Variants in FSTL1 observed in about 807,000 individuals in gnomAD.
FSTL1 encodes the protein follistatin-related protein 1.
FSTL1 carries 24 observed loss-of-function variants against 45.9 expected under a neutral mutation model. The observed-to-expected ratio is 0.52, with a 90% CI of 0.38 to 0.74. The LOEUF is 0.74. Among genes scored for constraint, FSTL1 ranks in the 30% least tolerant of loss-of-function variants. The probability of loss-of-function intolerance (pLI) is 0.00; values close to 1 mark genes in which losing one functional copy is unlikely to be tolerated. For synonymous variants in FSTL1, 120 were observed against 137.6 expected (o/e 0.87, Z 0.89); for missense variants, 340 against 381.8 (o/e 0.89, Z 0.91).
chr3:120,406,276 T>C (rs1024830172), intron 6 of FSTL1, among the ~76,000 whole-genome samples: 3 of 152,114 alleles, frequency 2.0e-5, no homozygotes, highest in Non-Finnish European at 2.9e-5. Flanking sequence ...TAATGGAAAA[T>C]AATTAAATAA....
chr3:120,403,008 C>T lies in FSTL1; in HGVS notation c.695-90G>A. 4 of 865,032 alleles carry T rather than the reference C, an allele frequency of 4.6e-6. No individual in the cohort carries two copies. The South Asian group carries it at 5.4e-5, about 12-fold the overall frequency. The allele number at this position is 865,032 out of a possible 1,614,324, so 53.6% of individuals were successfully genotyped here. A position where few individuals can be genotyped will look rare whatever the true frequency, so the allele number is the denominator to read the frequency against. ...AGTCTGTGCACCTTACCCTTTTTTC[C>T]CAGACAAGACCTGCCTGTCCCTCAG... On this transcript the variant is annotated intron_variant, in intron 8 of 10. Coordinates refer to ENST00000295633, the MANE Select transcript of FSTL1 (RefSeq NM_007085.5).
At chr3:120,420,128 C>T (rs1038996119) in intron 2 of FSTL1, among the ~76,000 whole-genome samples, 1 of 152,190 alleles carries the variant, frequency 6.6e-6, no homozygotes, top group African/African-American at 2.4e-5. Context: ...CAAGGGCTGG[C>T]ACAGGGTGAG....
intron 6 of FSTL1, among the ~76,000 whole-genome samples, chr3:120,409,131 T>G (rs1259566380): frequency 6.6e-6 from 1 of 152,170 alleles, no homozygotes; most frequent in African/African-American, 2.4e-5. Flanking sequence ...GTTAATGACT[T>G]AGAGAAATGT....
intron 2 of FSTL1, among the ~76,000 whole-genome samples, chr3:120,427,729 A>T (rs1392368682): frequency 6.6e-6 from 1 of 152,228 alleles, no homozygotes; most frequent in Non-Finnish European, 1.5e-5. Flanking sequence ...GCAACGGAGG[A>T]CGAAAATGGC....
chr3:120,418,655 G>C (rs756440413), intron 2 of FSTL1, among the ~76,000 whole-genome samples: 1 of 152,206 alleles, frequency 6.6e-6, no homozygotes, highest in Non-Finnish European at 1.5e-5. Context: ...CGTTAAGAGT[G>C]CGTCAGAGAT....
At chr3:120,408,827 T>C in intron 6 of FSTL1, among the ~76,000 whole-genome samples, 1 of 152,042 alleles carries the variant, frequency 6.6e-6, no homozygotes, top group African/African-American at 2.4e-5. Context: ...TGTGTGTGTG[T>C]CTGTTCTTGT....
chr3:120,412,838 G>GCGCGCGCGCGCACACA (rs1429168694), intron 3 of FSTL1, among the ~76,000 whole-genome samples: 1 of 106,132 alleles, frequency 9.4e-6, no homozygotes, highest in South Asian at 3.0e-4. Context: ...GCGCGCGCGC[G>GCGCGCGCGCGCACACA]CACACACACA....
At chr3:120,442,972 T>C (rs1379518927) in intron 2 of FSTL1, among the ~76,000 whole-genome samples, 6 of 136,722 alleles carry the variant, frequency 4.4e-5, no homozygotes, top group East Asian at 2.2e-4. Flanking sequence ...AGGGATAGCA[T>C]TGGGAGATAC....
intron 2 of FSTL1, among the ~76,000 whole-genome samples, chr3:120,434,279 A>T (rs1328319517): frequency 6.6e-6 from 1 of 152,198 alleles, no homozygotes; most frequent in East Asian, 1.9e-4. Context: ...ATTCCTGGGT[A>T]CATAAGTTGA....
intron 2 of FSTL1, among the ~76,000 whole-genome samples, chr3:120,450,304 A>C (rs532599884): frequency 6.6e-6 from 1 of 152,240 alleles, no homozygotes; most frequent in African/African-American, 2.4e-5. Flanking sequence ...CAGGAGACAG[A>C]CTTGGGAGGG....
At chr3:120,447,026 C>A (rs1937762798) in intron 2 of FSTL1, among the ~76,000 whole-genome samples, 1 of 152,134 alleles carries the variant, frequency 6.6e-6, no homozygotes, top group Non-Finnish European at 1.5e-5. Context: ...GCAGAGACAT[C>A]CACCAAGGGA....
chr3:120,419,450 G>A (rs1037151395), intron 2 of FSTL1: 1 of 152,264 alleles, frequency 6.6e-6, no homozygotes, highest in Admixed American at 6.5e-5. Flanking sequence ...GTTGCTTAGG[G>A]TGGTGGGTAG....
chr3:120,411,886 T>G lies in FSTL1; in HGVS notation c.266A>C (p.Lys89Thr). The G allele has an allele frequency of 1.2e-6, 2 of 1,613,886 alleles. No individual in the cohort carries two copies. Among genetic ancestry groups the G allele is most frequent in the Non-Finnish European group, 1.7e-6 (2 of 1,179,722 alleles). The change falls in exon 4 of 11, where the codon AAA (lysine) becomes ACA (threonine). Residue 89 changes from lysine (K) to threonine (T), a missense_variant. Transcript: ENST00000295633. ...LHRDACLTGS[K>T]IQVDYDGHCK... ...GTGTCCATCGTAATCAACCTGGATTTTGGATCCAGTGAGGCAGGCATCTCG... is the reference window on the plus strand; with the variant it reads ...GTGTCCATCGTAATCAACCTGGATTGTGGATCCAGTGAGGCAGGCATCTCG...
chr3:120,441,553 AAAG>A (rs920273796), intron 2 of FSTL1: 2 of 152,268 alleles, frequency 1.3e-5, no homozygotes, highest in Non-Finnish European at 2.9e-5. Flanking sequence ...TCTCTTTAAA[AAAG>A]AAGGTGATAA....
chr3:120,420,343 G>A (rs908810757), intron 2 of FSTL1, among the ~76,000 whole-genome samples: 5 of 152,190 alleles, frequency 3.3e-5, no homozygotes, highest in African/African-American at 1.2e-4. Context: ...ATGTACCTGT[G>A]AGAATGTAAT....
intron 2 of FSTL1, among the ~76,000 whole-genome samples, chr3:120,447,790 A>C (rs1937789447): frequency 6.6e-6 from 1 of 152,148 alleles, no homozygotes; most frequent in South Asian, 2.1e-4. Flanking sequence ...CTGGGACCAG[A>C]GGCGTGTGTG....
At position 120,393,684 on chromosome 3, in the gene FSTL1, T is replaced by C. The variant is rs981331020; in HGVS notation, c.*3268A>G. On this transcript the variant is annotated 3_prime_UTR_variant, in exon 11 of 11. Coordinates refer to ENST00000295633, the MANE Select transcript of FSTL1 (RefSeq NM_007085.5). ...TCCCAATACAGGAATGCACCTGCTA[T>C]GGTTTGAATGTTTATGTCCCCCAAA... The C allele has an allele frequency of 3.9e-5, 6 of 152,188 alleles. No individual in the cohort carries two copies. The highest frequency in any genetic ancestry group is 8.8e-5 in the Non-Finnish European group (6 of 68,034). The allele number at this position is 152,188 out of a possible 1,614,324, so 9.4% of individuals were successfully genotyped here. A position where few individuals can be genotyped will look rare whatever the true frequency, so the allele number is the denominator to read the frequency against.
rs938181899 is a variant in FSTL1, at chr3:120,394,982, G to C, written c.*1970C>G. On this transcript the variant is annotated 3_prime_UTR_variant, in exon 11 of 11. Coordinates refer to ENST00000295633, the MANE Select transcript of FSTL1 (RefSeq NM_007085.5). ...TTGCCCTCCTCCCATAGTGTCCAAG[G>C]GCTGGTAAAACCTTTGATTAAGGCG... 5 of 152,412 alleles carry C rather than the reference G, an allele frequency of 3.3e-5. No individual in the cohort carries two copies. Among genetic ancestry groups the C allele is most frequent in the Non-Finnish European group, 7.3e-5 (5 of 68,248 alleles). The allele number at this position is 152,412 out of a possible 1,614,324, so 9.4% of individuals were successfully genotyped here.
chr3:120,410,319 T>C (rs1170286559), intron 5 of FSTL1: 1 of 173,110 alleles, frequency 5.8e-6, no homozygotes, highest in Non-Finnish European at 1.2e-5. Context: ...CAACACATGC[T>C]GTGGGTGAAA....
Sources: gnomAD v4.1 joint callset for allele counts (sites outside exome capture counted in the v4.1 genomes callset) on GRCh38, gnomAD v4.1.1 for gene constraint, MANE v1.5 for transcripts, NCBI Gene and HGNC (gene_info 2026-07-23, HGNC 2026-07-21) for gene names.